Variants in ME3 observed in about 807,000 individuals in gnomAD.
ME3 encodes malic enzyme 3.
Under a neutral mutation model 68.9 loss-of-function variants are expected in ME3, and 48 were observed. The observed-to-expected ratio is 0.70, with a 90% CI of 0.55 to 0.89. The LOEUF (loss-of-function observed/expected upper bound fraction) is 0.89. ME3 is among the 40% of genes least tolerant of loss of function. The probability of loss-of-function intolerance (pLI) is 0.00; values close to 1 mark genes in which losing one functional copy is unlikely to be tolerated. For synonymous variants in ME3, 320 were observed against 318.8 expected (o/e 1.00, Z -0.04); for missense variants, 675 against 797.4 (o/e 0.85, Z 1.85).
chr11:86,492,856 GA>G (rs886395660), intron 6 of ME3, among the ~76,000 whole-genome samples: 2 of 152,204 alleles, frequency 1.3e-5, no homozygotes, highest in South Asian at 4.1e-4. Context: ...CCTCCTGGTT[GA>G]AAAAATATTT....
At chr11:86,487,178 A>G (rs899016162) in intron 7 of ME3, among the ~76,000 whole-genome samples, 159 bp downstream of exon 7, 4 of 152,144 alleles carry the variant, frequency 2.6e-5, no homozygotes, top group African/African-American at 9.7e-5. Flanking sequence ...TTTGGTGTCC[A>G]GTCTTATCAC....
chr11:86,494,566 G>T (rs1952196842), intron 6 of ME3, among the ~76,000 whole-genome samples: 1 of 152,130 alleles, frequency 6.6e-6, no homozygotes, highest in South Asian at 2.1e-4. Context: ...CTCCTAGACA[G>T]GGGTACTCTG....
chr11:86,446,313 C>T lies in ME3; in HGVS notation c.1554+1G>A. The T allele has an allele frequency of 1.2e-6, 2 of 1,613,896 alleles. No homozygotes were observed. On this transcript the variant is annotated splice_donor_variant, in intron 13 of 14. Transcript: ENST00000543262. LOFTEE classifies it high-confidence loss of function. ...ATTTGAGGGAGCAAGGACAGTGATACCTCTGCTGTCAGGAGGAAGATCTCA... is the reference window on the plus strand; with the variant it reads ...ATTTGAGGGAGCAAGGACAGTGATATCTCTGCTGTCAGGAGGAAGATCTCA...
intron 2 of ME3, among the ~76,000 whole-genome samples, chr11:86,630,937 G>A (rs1324903021): frequency 6.6e-6 from 1 of 152,198 alleles, no homozygotes; most frequent in Non-Finnish European, 1.5e-5. Context: ...AGGGCAGGTG[G>A]TTAGATGGTG....
At chr11:86,581,406 T>C (rs1425929873) in intron 2 of ME3, among the ~76,000 whole-genome samples, 3 of 152,204 alleles carry the variant, frequency 2.0e-5, no homozygotes, top group Admixed American at 6.5e-5. Context: ...CCTTACTAGC[T>C]GCATGGCCTA....
In ME3 at chr11:86,662,435, A is replaced by AT. The variant is rs560067030; in HGVS notation, c.183+9326dup. ...AAGACCTTGTCTCTACAGAAAATTA[A>AT]TTTTTTTTTTATTTAGCTGTGCAAG... On this transcript the variant is annotated intron_variant, in intron 2 of 14. Transcript: ENST00000543262. Among the ~76,000 whole-genome samples the AT allele has an allele frequency of 1.0e-3, 152 of 150,080 alleles. 1 individual carries two copies. The highest frequency in any genetic ancestry group is 3.4e-3 in the Middle Eastern group (1 of 294).
intron 4 of ME3, among the ~76,000 whole-genome samples, chr11:86,518,890 A>G (rs1954072037): frequency 6.6e-6 from 1 of 152,194 alleles, no homozygotes; most frequent in Non-Finnish European, 1.5e-5. Context: ...CAGAGATTGG[A>G]CTGATGCATC....
chr11:86,663,740 G>A lies in ME3; in HGVS notation c.183+8022C>T, dbSNP rs544117307. ...AACCTTTGGTAGAAATGACAAAAAT[G>A]TGAAGTAAAATAAGGCCATAAACCT... On this transcript the variant is annotated intron_variant, in intron 2 of 14. Coordinates refer to ENST00000543262, the Ensembl canonical transcript of ME3. Among the ~76,000 whole-genome samples the A allele has an allele frequency of 2.6e-5, 4 of 152,304 alleles. No homozygotes were observed. In the South Asian group the frequency reaches 8.3e-4, roughly 32 times the overall value.
At chr11:86,621,066 C>T (rs940029348) in intron 2 of ME3, among the ~76,000 whole-genome samples, 1 of 152,164 alleles carries the variant, frequency 6.6e-6, no homozygotes, top group Non-Finnish European at 1.5e-5. Flanking sequence ...GGAACTCTTC[C>T]AGGCCTCACA....
chr11:86,547,239 C>CAAAAAAAAAA (rs1169843852), intron 4 of ME3, among the ~76,000 whole-genome samples: 2 of 45,986 alleles, frequency 4.3e-5, no homozygotes, highest in East Asian at 1.1e-3. Flanking sequence ...GACTCCATCT[C>CAAAAAAAAAA]AAAAAAAAAA....
chr11:86,580,541 T>C (rs1219025986), intron 2 of ME3, among the ~76,000 whole-genome samples: 1 of 152,226 alleles, frequency 6.6e-6, no homozygotes, highest in Non-Finnish European at 1.5e-5. Context: ...GGGTCTGTAT[T>C]TTATAACTTA....
intron 4 of ME3, among the ~76,000 whole-genome samples, chr11:86,516,114 C>G (rs189087564): frequency 1.3e-5 from 2 of 152,108 alleles, no homozygotes; most frequent in Non-Finnish European, 2.9e-5. Flanking sequence ...TCATGGAAAT[C>G]TTGCTTTTAA....
chr11:86,483,587 T>TA (rs549401171), intron 7 of ME3, among the ~76,000 whole-genome samples: 2,422 of 150,544 alleles, frequency 0.016, 67 homozygotes, highest in African/African-American at 0.055. Flanking sequence ...ATGGAGAGAC[T>TA]AAAAAAAAAA....
chr11:86,500,400 T>C (rs1416193987), intron 5 of ME3, among the ~76,000 whole-genome samples: 1 of 152,192 alleles, frequency 6.6e-6, no homozygotes, highest in Non-Finnish European at 1.5e-5. Context: ...TCTGAATGAG[T>C]GTCTCACCTC....
chr11:86,443,042 T>C, intron 13 of ME3, 123 bp from the exon 14 acceptor site: 1 of 650,156 alleles, frequency 1.5e-6, no homozygotes, highest in East Asian at 2.8e-5. Context: ...CAGTTCCAAC[T>C]GTTGACTCTG....
At chr11:86,646,576 T>C (rs1023501678) in intron 2 of ME3, among the ~76,000 whole-genome samples, 12 of 152,168 alleles carry the variant, frequency 7.9e-5, no homozygotes, top group Admixed American at 7.2e-4. Context: ...CTACGTTTGA[T>C]TGGTGTACCT....
In ME3 at chr11:86,441,371, CA is replaced by C. The variant is rs1400442373; in HGVS notation, c.1722del (p.Phe574LeufsTer2). On this transcript the variant is annotated frameshift_variant, in exon 15 of 15. Coordinates refer to ENST00000543262, the Ensembl canonical transcript of ME3. LOFTEE classifies it high-confidence loss of function. ...TCTGGAGTGTAGACCAGGGATCTTA[CA>C]AAAGCCTCCTTGTCCTTAGGCTCTG... 3 of 1,613,434 alleles carry C rather than the reference CA, an allele frequency of 1.9e-6. No individual in the cohort carries two copies. Among genetic ancestry groups the C allele is most frequent in the Non-Finnish European group, 1.7e-6 (2 of 1,179,592 alleles).
intron 13 of ME3, among the ~76,000 whole-genome samples, chr11:86,443,156 AG>A (rs1312035601): frequency 6.6e-6 from 1 of 152,218 alleles, no homozygotes; most frequent in Non-Finnish European, 1.5e-5. Context: ...TGAATTCCAA[AG>A]GAAAATCACT....
intron 4 of ME3, among the ~76,000 whole-genome samples, chr11:86,525,503 G>A (rs573682756): frequency 6.7e-6 from 1 of 148,752 alleles, no homozygotes; most frequent in East Asian, 2.0e-4. Flanking sequence ...TAACGTGGCT[G>A]AATGGTTTAA....
Sources: allele counts gnomAD v4.1 joint callset (sites outside exome capture counted in the v4.1 genomes callset), GRCh38; gene constraint gnomAD v4.1.1; transcripts MANE v1.5; gene names NCBI Gene and HGNC (gene_info 2026-07-23, HGNC 2026-07-21).